The following CCDC68 variants were observed in gnomAD, a reference collection of about 807,000 sequenced individuals.
CCDC68 encodes the protein coiled-coil domain-containing protein 68.
Under a neutral mutation model 47.1 loss-of-function variants are expected in CCDC68, and 45 were observed. That is an observed-to-expected ratio of 0.96 (90% CI 0.75 to 1.23). CCDC68 has a LOEUF of 1.23. CCDC68 is among the 50% of genes most tolerant of loss of function. The probability of loss-of-function intolerance (pLI) is 0.00; values close to 1 mark genes in which losing one functional copy is unlikely to be tolerated. For missense variants in CCDC68, 353 were observed against 373.6 expected (o/e 0.94, Z 0.45); for synonymous variants, 131 against 129.5 (o/e 1.01, Z -0.08).
At position 54,934,723 on chromosome 18, in the gene CCDC68, TATTTA is replaced by T. The variant is rs1326854742; in HGVS notation, c.600+92_600+96del. On this transcript the variant is annotated intron_variant, in intron 7 of 11. Transcript: ENST00000591504. ...AGAATACTTTCACATAATATTATCT[TATTTA>T]ATTTAATATCCTATTTATTTTAGTA... 2.7e-4 allele frequency: 239 copies of T among 869,520 alleles called. 1 individual carries two copies. The African/African-American group carries it at 3.9e-3, about 14-fold the overall frequency. 53.9% of individuals were successfully genotyped at this position (869,520 alleles called of 1,614,324 possible). A position where few individuals can be genotyped will look rare whatever the true frequency, so the allele number is the denominator to read the frequency against.
At chr18:54,949,162 T>A (rs1414677322) in intron 1 of CCDC68, among the ~76,000 whole-genome samples, 1 of 151,992 alleles carries the variant, frequency 6.6e-6, no homozygotes, top group East Asian at 1.9e-4. Context: ...CCCAGCTAAT[T>A]TTTTTGTATT....
intron 4 of CCDC68, among the ~76,000 whole-genome samples, chr18:54,938,647 G>A (rs772696535): frequency 7.9e-5 from 12 of 152,344 alleles, no homozygotes; most frequent in Non-Finnish European, 2.9e-5. Flanking sequence ...TGGAATCGTG[G>A]ACACACGGAG....
chr18:54,901,884 G>A lies in CCDC68; in HGVS notation c.*2474C>T, dbSNP rs904239806. On this transcript the variant is annotated 3_prime_UTR_variant, in exon 12 of 12. Coordinates refer to ENST00000591504, the MANE Select transcript of CCDC68 (RefSeq NM_025214.3). Reference sequence around the variant, plus strand: ...CCTTGTAATCTTGTTTTTTCACTGAGAAGTGTTTTTTTTTTCATAAAAAAA... The same window carrying A: ...CCTTGTAATCTTGTTTTTTCACTGAAAAGTGTTTTTTTTTTCATAAAAAAA... 5 of 140,092 alleles carry A rather than the reference G, an allele frequency of 3.6e-5. No individual in the cohort carries two copies. Among genetic ancestry groups the A allele is most frequent in the Non-Finnish European group, 6.4e-5 (4 of 62,908 alleles). The allele number at this position is 140,092 out of a possible 1,614,324, so 8.7% of individuals were successfully genotyped here. A position where few individuals can be genotyped will look rare whatever the true frequency, so the allele number is the denominator to read the frequency against.
intron 6 of CCDC68, 114 bp downstream of exon 6, chr18:54,936,719 T>A: frequency 7.6e-7 from 1 of 1,314,506 alleles, no homozygotes; most frequent in Non-Finnish European, 1.1e-6. Context: ...TCCCAAGTCT[T>A]TTGCCAAGTC....
At chr18:54,942,519 A>G (rs977201840) in intron 3 of CCDC68, among the ~76,000 whole-genome samples, 156 bp downstream of exon 3, 1 of 152,176 alleles carries the variant, frequency 6.6e-6, no homozygotes, top group Non-Finnish European at 1.5e-5. Context: ...ATGACTAAAC[A>G]TGGGTTTAAA....
At chr18:54,940,135 ACTT>A (rs1858061860) in intron 4 of CCDC68, among the ~76,000 whole-genome samples, 1 of 151,958 alleles carries the variant, frequency 6.6e-6, no homozygotes, top group African/African-American at 2.4e-5. Flanking sequence ...CACTTGGTAA[ACTT>A]CTCCAGTTTC....
At chr18:54,915,515 T>C (rs910776557) in intron 10 of CCDC68, among the ~76,000 whole-genome samples, 3 of 152,238 alleles carry the variant, frequency 2.0e-5, no homozygotes, top group African/African-American at 4.8e-5. Context: ...AACATAGATA[T>C]ACCCAGCTAT....
intron 7 of CCDC68, among the ~76,000 whole-genome samples, chr18:54,929,708 C>T (rs189830148): frequency 7.6e-4 from 116 of 152,290 alleles, no homozygotes; most frequent in African/African-American, 2.7e-3. Context: ...AACCATAATG[C>T]TGTTTAAAAT....
At position 54,904,055 on chromosome 18, in the gene CCDC68, A is replaced by G; in HGVS notation, c.*303T>C. ...TTGACAATCTTAAAACAATCCCAGTAGAAAAAAAAATCTGAAAACAAGATT... is the reference window on the plus strand; with the variant it reads ...TTGACAATCTTAAAACAATCCCAGTGGAAAAAAAAATCTGAAAACAAGATT... On this transcript the variant is annotated 3_prime_UTR_variant, in exon 12 of 12. Transcript: ENST00000591504. 1 of 268,106 alleles carries G rather than the reference A, an allele frequency of 3.7e-6. No homozygotes were observed. The highest frequency in any genetic ancestry group is 7.0e-6 in the Non-Finnish European group (1 of 143,786). The allele number at this position is 268,106 out of a possible 1,614,324, so 16.6% of individuals were successfully genotyped here.
intron 1 of CCDC68, among the ~76,000 whole-genome samples, chr18:54,956,318 G>C (rs1331083572): frequency 6.6e-6 from 1 of 152,126 alleles, no homozygotes; most frequent in Non-Finnish European, 1.5e-5. Context: ...TTGGTTTGTT[G>C]GAGAGTTACA....
intron 9 of CCDC68, 140 bp from the exon 10 acceptor site, chr18:54,918,136 A>G: frequency 1.7e-6 from 1 of 573,030 alleles, no homozygotes; most frequent in Non-Finnish European, 3.0e-6. Context: ...GCATTAGCAG[A>G]CTCAGCAGGC....
Position 54,931,656 on chromosome 18 carries a change from A to C in CCDC68, c.601-2774T>G, listed in dbSNP as rs148023814. Among the ~76,000 whole-genome samples, 269 of 152,332 alleles carry C rather than the reference A, an allele frequency of 1.8e-3. 1 individual carries two copies. In the South Asian group the frequency reaches 0.026, roughly 15 times the overall value. ...AAATTGCAATGGAGCTAAATCAATG[A>C]CACTAGAAAACAAATATGATGTAAC... On this transcript the variant is annotated intron_variant, in intron 7 of 11. Transcript: ENST00000591504.
At chr18:54,938,420 GT>G (rs987605500) in intron 4 of CCDC68, among the ~76,000 whole-genome samples, 6 of 152,320 alleles carry the variant, frequency 3.9e-5, no homozygotes, top group South Asian at 4.1e-4. Flanking sequence ...AAAAATCTAA[GT>G]TGTGGACATA....
intron 10 of CCDC68, among the ~76,000 whole-genome samples, chr18:54,909,649 C>T (rs112123946): frequency 6.6e-6 from 1 of 152,194 alleles, no homozygotes; most frequent in Non-Finnish European, 1.5e-5. Context: ...GTGTGGGGTC[C>T]GGCCACTGTG....
At chr18:54,952,291 T>G (rs2044632206) in intron 1 of CCDC68, among the ~76,000 whole-genome samples, 2 of 152,238 alleles carry the variant, frequency 1.3e-5, no homozygotes, top group African/African-American at 4.8e-5. Context: ...CATGATGCCC[T>G]TTTAGAAAAT....
intron 11 of CCDC68, among the ~76,000 whole-genome samples, chr18:54,906,178 C>T (rs1268064670): frequency 4.0e-4 from 2 of 4,978 alleles, no homozygotes; most frequent in Non-Finnish European, 0.013. Flanking sequence ...TTCCATGAAA[C>T]TGGACCCTGG....
chr18:54,919,260 A>T lies in CCDC68; in HGVS notation c.789+11T>A, dbSNP rs768912062. 7 of 1,604,384 alleles carry T rather than the reference A, an allele frequency of 4.4e-6. No homozygotes were observed. The South Asian group carries it at 7.7e-5, about 18-fold the overall frequency. ...ACTGTCTACCAGATAAATACACTTGATTAATCTGACCTCCTGGATGACACT... is the reference window on the plus strand; with the variant it reads ...ACTGTCTACCAGATAAATACACTTGTTTAATCTGACCTCCTGGATGACACT... On this transcript the variant is annotated intron_variant, in intron 9 of 11. Coordinates refer to ENST00000591504, the MANE Select transcript of CCDC68 (RefSeq NM_025214.3).
intron 1 of CCDC68, among the ~76,000 whole-genome samples, chr18:54,949,623 G>T (rs1198545280): frequency 6.6e-6 from 1 of 152,224 alleles, no homozygotes; most frequent in Non-Finnish European, 1.5e-5. Flanking sequence ...AAAGCACCAT[G>T]CTGGATGTCT....
At chr18:54,931,999 T>C (rs1204971369) in intron 7 of CCDC68, among the ~76,000 whole-genome samples, 1 of 152,120 alleles carries the variant, frequency 6.6e-6, no homozygotes, top group East Asian at 1.9e-4. Context: ...ACTTGTGTCT[T>C]TTTCCTATTA....
Sources: gnomAD v4.1 joint callset for allele counts (sites outside exome capture counted in the v4.1 genomes callset) on GRCh38, gnomAD v4.1.1 for gene constraint, MANE v1.5 for transcripts, NCBI Gene and HGNC (gene_info 2026-07-23, HGNC 2026-07-21) for gene names.